Variants in PDE3B observed in about 807,000 individuals in gnomAD.
PDE3B encodes the protein phosphodiesterase 3B.
In PDE3B, 66 loss-of-function variants were observed where a neutral mutation model predicts 116.8. The ratio of observed to expected loss-of-function variants is 0.56; its 90% CI spans 0.46 to 0.69. The LOEUF is 0.69. Ranked by LOEUF, PDE3B falls within the 30% of genes least tolerant of loss-of-function variation. The pLI is 0.00. For synonymous variants in PDE3B, 595 were observed against 533.6 expected (o/e 1.12, Z -1.59); for missense variants, 1,384 against 1,368.1 (o/e 1.01, Z -0.18).
chr11:14,673,300 G>C (rs1472556546), intron 1 of PDE3B, among the ~76,000 whole-genome samples: 1 of 151,596 alleles, frequency 6.6e-6, no homozygotes, highest in African/African-American at 2.4e-5. Flanking sequence ...CAAAGGAATA[G>C]AACCACCAAC....
At chr11:14,773,190 G>A (rs1167414616) in intron 2 of PDE3B, 1 of 151,948 alleles carries the variant, frequency 6.6e-6, no homozygotes, top group Non-Finnish European at 1.5e-5. Context: ...AATTTTATCA[G>A]ATGCTTTTTC....
intron 1 of PDE3B, among the ~76,000 whole-genome samples, chr11:14,770,153 C>G (rs1466193762): frequency 1.3e-5 from 2 of 151,122 alleles, no homozygotes; most frequent in Non-Finnish European, 3.0e-5. Flanking sequence ...GTTAGCAGAC[C>G]AAGAATGCCA....
intron 1 of PDE3B, among the ~76,000 whole-genome samples, chr11:14,737,198 CTT>C (rs71044022): frequency 1.0e-3 from 147 of 146,540 alleles, no homozygotes; most frequent in African/African-American, 1.9e-3. Context: ...AGGCTGCCTT[CTT>C]TTTTTTTTTT....
chr11:14,887,516 G>C, the PDE3B span: 3 of 836,900 alleles, frequency 3.6e-6, no homozygotes, highest in Non-Finnish European at 2.9e-6. Flanking sequence ...CTATGGAAGG[G>C]TACAAGATTA....
At position 14,843,835 on chromosome 11, in the gene PDE3B, G is replaced by A. The variant is rs1229128039; in HGVS notation, c.2329G>A (p.Gly777Ser). Residue 777 changes from glycine to serine, a missense_variant, in exon 12 of 16, where the codon GGT becomes AGT. By Grantham distance (56) the Gly-to-Ser change is moderately conservative. Around this residue, in one of 2 missense-constraint regions of PDE3B, gnomAD observed 428 missense variants for 561.4 expected, o/e 0.76. Coordinates refer to ENST00000282096, the MANE Select transcript of PDE3B (RefSeq NM_000922.4). ...CGTGNETDSD[G>S]RINHGRIAYI... is the part of the protein sequence containing the mutation. Reference sequence around the variant, plus strand: ...TATTTATTGTTTCTCAGATTCTGATGGTAGAATTAACCATGGGCGAATTGC... The same window carrying A: ...TATTTATTGTTTCTCAGATTCTGATAGTAGAATTAACCATGGGCGAATTGC... 1.9e-6 allele frequency: 3 copies of A among 1,612,896 alleles called. No individual in the cohort carries two copies. Among genetic ancestry groups the A allele is most frequent in the Non-Finnish European group, 2.5e-6 (3 of 1,178,880 alleles).
intron 1 of PDE3B, among the ~76,000 whole-genome samples, chr11:14,694,155 A>G (rs1285407115): frequency 6.6e-6 from 1 of 152,172 alleles, no homozygotes; most frequent in Non-Finnish European, 1.5e-5. Flanking sequence ...GTTACTTTTT[A>G]TGGATGAGCA....
chr11:14,825,578 T>A (rs978857081), intron 7 of PDE3B, among the ~76,000 whole-genome samples: 1 of 152,056 alleles, frequency 6.6e-6, no homozygotes, highest in Non-Finnish European at 1.5e-5. Flanking sequence ...TTCAATTCAA[T>A]AAGACCTAAC....
intron 5 of PDE3B, among the ~76,000 whole-genome samples, chr11:14,811,357 G>T (rs1033533258): frequency 1.3e-5 from 2 of 152,150 alleles, no homozygotes; most frequent in Non-Finnish European, 2.9e-5. Context: ...AAGGTGTAAG[G>T]AAGGGATCCA....
intron 4 of PDE3B, among the ~76,000 whole-genome samples, chr11:14,797,927 T>C (rs537812191): frequency 6.6e-6 from 1 of 152,316 alleles, no homozygotes; most frequent in Admixed American, 6.5e-5. Context: ...CTTATTTCTT[T>C]CTCTTGCCCG....
chr11:14,819,005 G>A, intron 6 of PDE3B, 131 bp from the exon 7 acceptor site: 1 of 539,182 alleles, frequency 1.9e-6, no homozygotes, highest in Admixed American at 2.8e-5. Flanking sequence ...TGAACTTTAT[G>A]GAGAGATTGG....
chr11:14,865,849 A>G (rs1386439731), intron 14 of PDE3B, among the ~76,000 whole-genome samples: 2 of 152,212 alleles, frequency 1.3e-5, no homozygotes, highest in Non-Finnish European at 2.9e-5. Context: ...ATAAAAAATA[A>G]TAGTGTATGT....
intron 1 of PDE3B, among the ~76,000 whole-genome samples, chr11:14,669,820 A>G (rs1240639244): frequency 6.6e-6 from 1 of 152,168 alleles, no homozygotes; most frequent in African/African-American, 2.4e-5. Flanking sequence ...AGGGTAGAGG[A>G]GTATTGAAAT....
At chr11:14,783,084 G>A (rs1858075877) in intron 2 of PDE3B, among the ~76,000 whole-genome samples, 1 of 152,222 alleles carries the variant, frequency 6.6e-6, no homozygotes. Flanking sequence ...AGTTAGAATG[G>A]TGATCATTAA....
At chr11:14,760,986 C>T (rs1181250204) in intron 1 of PDE3B, among the ~76,000 whole-genome samples, 3 of 152,090 alleles carry the variant, frequency 2.0e-5, no homozygotes, top group South Asian at 4.1e-4. Context: ...TGTAATTTTC[C>T]TGTTATCCTA....
chr11:14,736,554 A>T (rs1856606577), intron 1 of PDE3B, among the ~76,000 whole-genome samples: 1 of 152,244 alleles, frequency 6.6e-6, no homozygotes, highest in Admixed American at 6.5e-5. Context: ...GAAGTCCAAG[A>T]TTAAAGAAGA....
At chr11:14,715,871 A>G (rs1290941959) in intron 1 of PDE3B, among the ~76,000 whole-genome samples, 1 of 152,206 alleles carries the variant, frequency 6.6e-6, no homozygotes, top group South Asian at 2.1e-4. Flanking sequence ...CAAATGTCCA[A>G]CAATGATAGA....
chr11:14,688,113 TTCTCTC>T (rs35700152), intron 1 of PDE3B, among the ~76,000 whole-genome samples: 217 of 109,928 alleles, frequency 2.0e-3, no homozygotes, highest in East Asian at 0.018. Flanking sequence ...CTCTCTCTCT[TTCTCTC>T]TCTCTCTCTC....
intron 1 of PDE3B, among the ~76,000 whole-genome samples, chr11:14,767,290 G>A (rs558690884): frequency 6.6e-6 from 1 of 151,506 alleles, no homozygotes; most frequent in Non-Finnish European, 1.5e-5. Context: ...AGAATATAGG[G>A]TAAATGAATT....
intron 1 of PDE3B, among the ~76,000 whole-genome samples, chr11:14,738,037 G>T (rs564734228): frequency 1.3e-5 from 2 of 152,174 alleles, no homozygotes; most frequent in East Asian, 3.9e-4. Context: ...ATTTGGGTTG[G>T]TTCCAAGTCT....
Sources: allele counts gnomAD v4.1 joint callset (sites outside exome capture counted in the v4.1 genomes callset), GRCh38; gene constraint gnomAD v4.1.1; regional missense constraint gnomAD v4.1.1; transcripts MANE v1.5; gene names NCBI Gene and HGNC (gene_info 2026-07-23, HGNC 2026-07-21).